The following KCTD16 variants were observed in gnomAD, a reference collection of about 807,000 sequenced individuals.
KCTD16 encodes BTB/POZ domain-containing protein KCTD16.
A neutral mutation model predicts 33.2 loss-of-function variants in KCTD16; 13 were observed. That is an observed-to-expected ratio of 0.39 (90% CI 0.25 to 0.62). The LOEUF (loss-of-function observed/expected upper bound fraction) is 0.62. KCTD16 is among the 20% of genes least tolerant of loss of function. The pLI is 0.50. For synonymous variants in KCTD16, 197 were observed against 195.3 expected, an observed-to-expected ratio of 1.01 and a Z score of -0.07; for missense variants, 441 against 525.1, an observed-to-expected ratio of 0.84 and a Z score of 1.57.
chr5:144,299,917 A>AC (rs1751384593), intron 3 of KCTD16, among the ~76,000 whole-genome samples: 1 of 126,710 alleles, frequency 7.9e-6, no homozygotes, highest in African/African-American at 4.1e-5. Flanking sequence ...AAAAAAAAAC[A>AC]AAAAACAAAA....
chr5:144,418,287 C>A (rs73296044), intron 3 of KCTD16, among the ~76,000 whole-genome samples: 2 of 152,180 alleles, frequency 1.3e-5, no homozygotes, highest in African/African-American at 4.8e-5. Context: ...GGGTTGCCAA[C>A]GGGGATTCTG....
intron 3 of KCTD16, among the ~76,000 whole-genome samples, chr5:144,275,353 T>C (rs1234348349): frequency 6.6e-6 from 1 of 152,194 alleles, no homozygotes; most frequent in African/African-American, 2.4e-5. Flanking sequence ...TTGCACCTAA[T>C]AACCAGAGCA....
At chr5:144,222,550 A>T (rs1023838792) in intron 3 of KCTD16, among the ~76,000 whole-genome samples, 1 of 151,872 alleles carries the variant, frequency 6.6e-6, no homozygotes, top group African/African-American at 2.4e-5. Flanking sequence ...AATGCTCATC[A>T]TTGCTGGCCA....
At chr5:144,340,953 G>A (rs1384712611) in intron 3 of KCTD16, among the ~76,000 whole-genome samples, 2 of 152,080 alleles carry the variant, frequency 1.3e-5, no homozygotes, top group Non-Finnish European at 2.9e-5. Flanking sequence ...GGTGAGGCAG[G>A]AGAATCGCTT....
chr5:144,341,527 T>C (rs1752645533), intron 3 of KCTD16, among the ~76,000 whole-genome samples: 1 of 152,212 alleles, frequency 6.6e-6, no homozygotes, highest in African/African-American at 2.4e-5. Flanking sequence ...GATCTGAACA[T>C]CTGCAATGAA....
rs10078619 is a variant in KCTD16, at chr5:144,426,497, G to C, written c.833-47163G>C. On this transcript the variant is annotated intron_variant, in intron 3 of 3. Coordinates refer to ENST00000512467, the MANE Select transcript of KCTD16 (RefSeq NM_020768.4). ...TCTTCCAGATTCTGCCCATTACCCAGTTCCAAAGCCATTTCTACATTTTCA... is the reference window on the plus strand; with the variant it reads ...TCTTCCAGATTCTGCCCATTACCCACTTCCAAAGCCATTTCTACATTTTCA... 1.0e-2 allele frequency among the ~76,000 whole-genome samples: 1,518 copies of C among 152,036 alleles called. 23 individuals are homozygous for C. The highest frequency in any genetic ancestry group is 0.034 in the African/African-American group (1,399 of 41,456).
At chr5:144,321,851 G>GA (rs1418707590) in intron 3 of KCTD16, among the ~76,000 whole-genome samples, 2 of 152,098 alleles carry the variant, frequency 1.3e-5, no homozygotes, top group Admixed American at 1.3e-4. Context: ...TACATGTATT[G>GA]AAAAACCTGT....
intron 3 of KCTD16, among the ~76,000 whole-genome samples, chr5:144,368,621 T>G (rs1751892703): frequency 2.0e-5 from 3 of 152,190 alleles, no homozygotes; most frequent in Non-Finnish European, 2.9e-5. Context: ...ATTTTGACCT[T>G]CTGAGACTCA....
At chr5:144,369,066 A>G (rs1193501335) in intron 3 of KCTD16, among the ~76,000 whole-genome samples, 1 of 152,086 alleles carries the variant, frequency 6.6e-6, no homozygotes, top group Non-Finnish European at 1.5e-5. Context: ...TATATAATTC[A>G]TCTTATCTCC....
At chr5:144,207,589 C>A in intron 3 of KCTD16, 43 bp downstream of exon 3, 1 of 1,378,826 alleles carries the variant, frequency 7.3e-7, no homozygotes, top group Non-Finnish European at 1.0e-6. Context: ...TGTGTCAATG[C>A]TCTTCACAAA....
intron 3 of KCTD16, among the ~76,000 whole-genome samples, chr5:144,304,468 G>A (rs1426095770): frequency 6.6e-6 from 1 of 152,208 alleles, no homozygotes; most frequent in East Asian, 1.9e-4. Context: ...TCGGAGGAAA[G>A]CCTAAAAGAA....
At chr5:144,208,503 C>T (rs1295939070) in intron 3 of KCTD16, among the ~76,000 whole-genome samples, 1 of 152,230 alleles carries the variant, frequency 6.6e-6, no homozygotes, top group Non-Finnish European at 1.5e-5. Context: ...TGCCGATTTT[C>T]AACAGGCCCA....
At chr5:144,381,085 A>T (rs1173469818) in intron 3 of KCTD16, among the ~76,000 whole-genome samples, 1 of 152,202 alleles carries the variant, frequency 6.6e-6, no homozygotes, top group Non-Finnish European at 1.5e-5. Context: ...CTGAATCTAT[A>T]AGAAACTTAA....
chr5:144,400,594 C>T lies in KCTD16; in HGVS notation c.833-73066C>T, dbSNP rs1354816256. Reference sequence around the variant, plus strand: ...GTGGAAGGGACCTTAGAAATTACTCCTTCAACACCATCTATGTGCCAGGCA... The same window carrying T: ...GTGGAAGGGACCTTAGAAATTACTCTTTCAACACCATCTATGTGCCAGGCA... On this transcript the variant is annotated intron_variant, in intron 3 of 3. Coordinates refer to ENST00000512467, the MANE Select transcript of KCTD16 (RefSeq NM_020768.4). 3.3e-5 allele frequency among the ~76,000 whole-genome samples: 5 copies of T among 152,214 alleles called. No homozygotes were observed. In the East Asian group the frequency reaches 7.7e-4, roughly 24 times the overall value.
chr5:144,410,756 T>C (rs1240262671), intron 3 of KCTD16, among the ~76,000 whole-genome samples: 1 of 152,144 alleles, frequency 6.6e-6, no homozygotes, highest in Non-Finnish European at 1.5e-5. Flanking sequence ...GATATATATA[T>C]TTTTTGCCTG....
At chr5:144,454,708 C>A (rs1754021997) in intron 3 of KCTD16, among the ~76,000 whole-genome samples, 1 of 152,070 alleles carries the variant, frequency 6.6e-6, no homozygotes, top group African/African-American at 2.4e-5. Context: ...CTTCTTTACC[C>A]TATGGGTATA....
chr5:144,337,729 C>T (rs1287446185), intron 3 of KCTD16, among the ~76,000 whole-genome samples: 1 of 152,156 alleles, frequency 6.6e-6, no homozygotes, highest in Admixed American at 6.5e-5. Context: ...AGACCTACTT[C>T]TCATCATCAT....
At chr5:144,455,787 C>G (rs181365096) in intron 3 of KCTD16, among the ~76,000 whole-genome samples, 11 of 152,310 alleles carry the variant, frequency 7.2e-5, no homozygotes, top group Admixed American at 6.5e-4. Flanking sequence ...TAAGAAAGGA[C>G]TTCCATAAAT....
chr5:144,340,247 A>G (rs1333950448), intron 3 of KCTD16, among the ~76,000 whole-genome samples: 2 of 151,786 alleles, frequency 1.3e-5, no homozygotes, highest in Non-Finnish European at 1.5e-5. Flanking sequence ...CTAAAAATAC[A>G]AAAAATTAGC....
Sources: allele counts gnomAD v4.1 joint callset (sites outside exome capture counted in the v4.1 genomes callset), GRCh38; gene constraint gnomAD v4.1.1; transcripts MANE v1.5; gene names NCBI Gene and HGNC (gene_info 2026-07-23, HGNC 2026-07-21).